RNF180: variants seen among roughly 807,000 people sequenced by gnomAD.
RNF180 encodes E3 ubiquitin-protein ligase RNF180.
A neutral mutation model predicts 59.2 loss-of-function variants in RNF180; 38 were observed. The observed-to-expected ratio is 0.64, with a 90% CI of 0.50 to 0.84. The LOEUF is 0.84. RNF180 is among the 40% of genes least tolerant of loss of function. The pLI is 0.00. For missense variants in RNF180, 705 were observed against 700.9 expected, an observed-to-expected ratio of 1.01 and a Z score of -0.07; for synonymous variants, 262 against 240.3, an observed-to-expected ratio of 1.09 and a Z score of -0.84.
At chr5:64,192,068 G>T (rs1396787987) in intron 1 of RNF180, among the ~76,000 whole-genome samples, 2 of 151,944 alleles carry the variant, frequency 1.3e-5, no homozygotes, top group Non-Finnish European at 2.9e-5. Context: ...ACCCACTGTG[G>T]TCTTGACACC....
chr5:64,349,131 T>G (rs1197580080), intron 7 of RNF180, among the ~76,000 whole-genome samples: 1 of 152,094 alleles, frequency 6.6e-6, no homozygotes, highest in Non-Finnish European at 1.5e-5. Context: ...CTGCTGAACA[T>G]TTAGCATACA....
At chr5:64,174,564 G>A (rs1214906462) in intron 1 of RNF180, among the ~76,000 whole-genome samples, 1 of 152,124 alleles carries the variant, frequency 6.6e-6, no homozygotes. Flanking sequence ...CAAACAGTTA[G>A]TGATCGTTGA....
intron 1 of RNF180, among the ~76,000 whole-genome samples, chr5:64,192,931 ATATATAT>A (rs1561179014): frequency 3.1e-5 from 4 of 128,286 alleles, no homozygotes; most frequent in Admixed American, 1.5e-4. Context: ...ATATATATAT[ATATATAT>A]AAAATGAAAC....
At chr5:64,188,577 A>G (rs1211336147) in intron 1 of RNF180, among the ~76,000 whole-genome samples, 2 of 152,110 alleles carry the variant, frequency 1.3e-5, no homozygotes, top group East Asian at 3.8e-4. Flanking sequence ...ATTTTACCTC[A>G]CTTGAATTTT....
rs576039102 is a variant in RNF180 at position 64,264,181 on chromosome 5, A to G, written c.1227+46785A>G. On this transcript the variant is annotated intron_variant, in intron 5 of 7. Coordinates refer to ENST00000389100, the MANE Select transcript of RNF180 (RefSeq NM_001113561.2). ...TATCCAATATACATGTTCTTTGGCA[A>G]ATGAATGTGTTTTCCCCAAAATAGG... Among the ~76,000 whole-genome samples, 4 of 152,218 alleles carry G rather than the reference A, an allele frequency of 2.6e-5. No individual in the cohort carries two copies. The South Asian group carries it at 8.3e-4, about 32-fold the overall frequency.
At chr5:64,192,683 A>G (rs998398388) in intron 1 of RNF180, among the ~76,000 whole-genome samples, 87 of 151,916 alleles carry the variant, frequency 5.7e-4, no homozygotes, top group African/African-American at 2.1e-3. Flanking sequence ...AAAAACAAAC[A>G]AACAAAACAC....
intron 7 of RNF180, among the ~76,000 whole-genome samples, chr5:64,346,721 C>G (rs1268548282): frequency 6.6e-6 from 1 of 152,008 alleles, no homozygotes; most frequent in African/African-American, 2.4e-5. Flanking sequence ...AATGCCCAGG[C>G]CATATCCCAG....
In RNF180 at chr5:64,213,995, T is replaced by C; in HGVS notation, c.669T>C (p.Ala223=). 6.2e-7 allele frequency: 1 copy of C among 1,614,094 alleles called. No individual in the cohort carries two copies. The highest frequency in any genetic ancestry group is 8.5e-7 in the Non-Finnish European group (1 of 1,180,002). Residue 223 remains alanine, a synonymous_variant, in exon 4 of 8, where the codon GCT becomes GCC. Coordinates refer to ENST00000389100, the MANE Select transcript of RNF180 (RefSeq NM_001113561.2). ...TGACTGGCAGATGCGCTACAAGAGC[T>C]TTTCATAGAAAATCACATAGTTTGG... The part of the protein sequence containing the change: ...QLVTGRCATR[A]FHRKSHSLDL...
At chr5:64,181,991 T>C (rs1750613286) in intron 1 of RNF180, among the ~76,000 whole-genome samples, 1 of 141,564 alleles carries the variant, frequency 7.1e-6, no homozygotes, top group Non-Finnish European at 1.5e-5. Context: ...ACTGTCTTTT[T>C]TTTTTTTTTT....
At chr5:64,359,067 C>T (rs1746140470) in intron 7 of RNF180, among the ~76,000 whole-genome samples, 1 of 151,184 alleles carries the variant, frequency 6.6e-6, no homozygotes, top group African/African-American at 2.4e-5. Flanking sequence ...CAAGTCTTTG[C>T]TATCGTGAAT....
intron 1 of RNF180, among the ~76,000 whole-genome samples, chr5:64,176,012 A>C (rs1750212074): frequency 6.6e-6 from 1 of 152,176 alleles, no homozygotes; most frequent in Non-Finnish European, 1.5e-5. Flanking sequence ...TGGAGTCTTT[A>C]GGATTTTATA....
At chr5:64,348,436 G>A (rs576607503) in intron 7 of RNF180, among the ~76,000 whole-genome samples, 5 of 152,106 alleles carry the variant, frequency 3.3e-5, no homozygotes, top group Admixed American at 6.6e-5. Context: ...ACACATAAAG[G>A]ATAGGTTAAT....
At chr5:64,219,771 A>T (rs1056054763) in intron 5 of RNF180, among the ~76,000 whole-genome samples, 4 of 151,800 alleles carry the variant, frequency 2.6e-5, no homozygotes, top group African/African-American at 9.7e-5. Context: ...CGCCTGCCTC[A>T]GCCTCCCAAA....
chr5:64,326,061 A>G (rs1486414706), intron 6 of RNF180, among the ~76,000 whole-genome samples: 1 of 152,156 alleles, frequency 6.6e-6, no homozygotes, highest in Admixed American at 6.5e-5. Flanking sequence ...TAGGTGGGAA[A>G]TTTTCTATCT....
In RNF180 at chr5:64,213,771, A is replaced by G. The variant is rs1210785489; in HGVS notation, c.445A>G (p.Lys149Glu). The change falls in exon 4 of 8, where the codon AAG becomes GAG. Residue 149 changes from lysine (K) to glutamate (E), a missense_variant. By Grantham distance (56) the Lys-to-Glu change is moderately conservative (BLOSUM62 1). Transcript: ENST00000389100. ...SHPRVQSGCD[K>E]EALLTGGGSE... ...TCCTAGAGTTCAGTCAGGTTGTGACAAGGAAGCTCTGCTGACAGGTGGTGG... is the reference window on the plus strand; with the variant it reads ...TCCTAGAGTTCAGTCAGGTTGTGACGAGGAAGCTCTGCTGACAGGTGGTGG... 8.1e-6 allele frequency: 13 copies of G among 1,614,066 alleles called. No individual in the cohort carries two copies. In the African/African-American group the frequency reaches 1.7e-4, roughly 22 times the overall value.
intron 7 of RNF180, among the ~76,000 whole-genome samples, chr5:64,365,473 C>T (rs1481221711): frequency 1.3e-5 from 2 of 151,556 alleles, no homozygotes; most frequent in Non-Finnish European, 3.0e-5. Flanking sequence ...AATGTATATT[C>T]TGTTGTTTGG....
chr5:64,354,917 C>T (rs1437477314), intron 7 of RNF180, among the ~76,000 whole-genome samples: 1 of 151,866 alleles, frequency 6.6e-6, no homozygotes, highest in Admixed American at 6.6e-5. Flanking sequence ...TAGAAGAAGA[C>T]TGCTTCAACA....
Position 64,361,443 on chromosome 5 carries a change from G to T in RNF180, c.1580-8172G>T, listed in dbSNP as rs62369389. Among the ~76,000 whole-genome samples the T allele has an allele frequency of 2.6e-5, 4 of 151,666 alleles. 1 individual carries two copies. The highest frequency in any genetic ancestry group is 2.0e-4 in the East Asian group (1 of 5,106). On this transcript the variant is annotated intron_variant, in intron 7 of 7. Coordinates refer to ENST00000389100, the MANE Select transcript of RNF180 (RefSeq NM_001113561.2). ...ATATGAACATCTTCAGAGATACAGAGAAATTATTTTGACTTGTGAATAATG... is the reference window on the plus strand; with the variant it reads ...ATATGAACATCTTCAGAGATACAGATAAATTATTTTGACTTGTGAATAATG...
Position 64,200,791 on chromosome 5 carries a change from C to G in RNF180, c.1-17C>G, listed in dbSNP as rs1342887397. 8 of 1,604,542 alleles carry G rather than the reference C, an allele frequency of 5.0e-6. No homozygotes were observed. The highest frequency in any genetic ancestry group is 6.8e-6 in the Non-Finnish European group (8 of 1,173,672). On this transcript the variant is annotated splice_polypyrimidine_tract_variant and intron_variant, in intron 1 of 7. Coordinates refer to ENST00000389100, the MANE Select transcript of RNF180 (RefSeq NM_001113561.2). ...CTGACAGTTTAACATTCTAAAAATG[C>G]ACTAATGTTTCCGCAGATGAAAAGA...
Sources: gnomAD v4.1 joint callset for allele counts (sites outside exome capture counted in the v4.1 genomes callset) on GRCh38, gnomAD v4.1.1 for gene constraint, MANE v1.5 for transcripts, NCBI Gene and HGNC (gene_info 2026-07-23, HGNC 2026-07-21) for gene names.